Variants in TMEM54 observed in about 807,000 individuals in gnomAD.
TMEM54 encodes the protein transmembrane protein 54.
Under a neutral mutation model 21.3 loss-of-function variants are expected in TMEM54, and 21 were observed. That is an observed-to-expected ratio of 0.99 (90% CI 0.70 to 1.42). The LOEUF (loss-of-function observed/expected upper bound fraction) is 1.42, where lower values mean the gene tolerates loss of function less well. Ranked by LOEUF, TMEM54 falls within the 40% of genes most tolerant of loss-of-function variation. The pLI, the probability that TMEM54 is intolerant of heterozygous loss-of-function variation, is 0.00. For missense variants in TMEM54, 246 were observed against 294.0 expected, an observed-to-expected ratio of 0.84 and a Z score of 1.19; for synonymous variants, 109 against 125.0, an observed-to-expected ratio of 0.87 and a Z score of 0.86.
rs1405967823 is a variant in TMEM54, at chr1:32,897,925, C to T, written c.210+201G>A. 1 of 545,986 alleles carries T rather than the reference C, an allele frequency of 1.8e-6. No homozygotes were observed. Among genetic ancestry groups the T allele is most frequent in the African/African-American group, 1.9e-5 (1 of 53,286 alleles). 33.8% of individuals were successfully genotyped at this position (545,986 alleles called of 1,614,324 possible). A position where few individuals can be genotyped will look rare whatever the true frequency, so the allele number is the denominator to read the frequency against. On this transcript the variant is annotated intron_variant, in intron 2 of 5. Transcript: ENST00000373463. This position sits in a 1 kb window ranked among gnomAD's most constrained non-coding sequence, Gnocchi z 4.9. The stretch of plus-strand genomic sequence containing the variant: ...ATGATCTCATCAGTACCCATTAGGA[C>T]CCTCAGAGGTAAACACTGTTACCAT...
Position 32,894,641 on chromosome 1 carries a change from AGTGCAGTGGGCTGG to A in TMEM54, c.*150_*163del. The A allele has an allele frequency of 1.2e-6, 1 of 816,176 alleles. No individual in the cohort carries two copies. Among genetic ancestry groups the A allele is most frequent in the Non-Finnish European group, 1.9e-6 (1 of 525,656 alleles). 50.6% of individuals were successfully genotyped at this position (816,176 alleles called of 1,614,324 possible). A position where few individuals can be genotyped will look rare whatever the true frequency, so the allele number is the denominator to read the frequency against. On this transcript the variant is annotated 3_prime_UTR_variant, in exon 6 of 6. Coordinates refer to ENST00000373463, the MANE Select transcript of TMEM54 (RefSeq NM_033504.4). Reference sequence around the variant, plus strand: ...TAATTTCAGAATAAAGTCTCATTTCAGTGCAGTGGGCTGGGTGGTGGGGGAGAGGGTTGAAAGCC... The same window carrying A: ...TAATTTCAGAATAAAGTCTCATTTCAGTGGTGGGGGAGAGGGTTGAAAGCC...
Position 32,898,325 on chromosome 1 carries a change from G to T in TMEM54, c.17-6C>A, listed in dbSNP as rs1453370244. 6.3e-7 allele frequency: 1 copy of T among 1,595,466 alleles called. No homozygotes were observed. The highest frequency in any genetic ancestry group is 8.6e-7 in the Non-Finnish European group (1 of 1,164,664). On this transcript the variant is annotated splice_region_variant and splice_polypyrimidine_tract_variant and intron_variant, in intron 1 of 5. Coordinates refer to ENST00000373463, the MANE Select transcript of TMEM54 (RefSeq NM_033504.4). ...GTCGCCCACACTCAGGCCTCCTGTG[G>T]GGGACAGCTATGTCAGGGCTGTGCG...
Position 32,894,772 on chromosome 1 carries a change from A to C in TMEM54, c.*33T>G. 2 of 1,600,260 alleles carry C rather than the reference A, an allele frequency of 1.2e-6. No homozygotes were observed. Among genetic ancestry groups the C allele is most frequent in the Non-Finnish European group, 8.6e-7 (1 of 1,168,676 alleles). On this transcript the variant is annotated 3_prime_UTR_variant, in exon 6 of 6. Coordinates refer to ENST00000373463, the MANE Select transcript of TMEM54 (RefSeq NM_033504.4). ...AGAGCAGAGTTGCTTGCAGGGTCCT[A>C]GTGGCCATCGGGCCTGGGCAGGACA...
In TMEM54 at chr1:32,901,128, T is replaced by C; in HGVS notation, c.16+95A>G. 1.6e-6 allele frequency: 2 copies of C among 1,288,008 alleles called. No homozygotes were observed. Among genetic ancestry groups the C allele is most frequent in the South Asian group, 2.3e-5 (1 of 44,174 alleles). 79.8% of individuals were successfully genotyped at this position (1,288,008 alleles called of 1,614,324 possible). ...TAAGTTAGAGGCAGAGCAGGTGGCC[T>C]GGCCCCCTGGGGGCTCGGGTTCCGG... On this transcript the variant is annotated intron_variant, in intron 1 of 5. Transcript: ENST00000373463. The surrounding 1 kb of genome is among the most constrained non-coding windows in gnomAD (Gnocchi z 4.2).
chr1:32,897,368 G>A lies in TMEM54; in HGVS notation c.210+758C>T, dbSNP rs1408283888. Among the ~76,000 whole-genome samples, 4 of 152,182 alleles carry A rather than the reference G, an allele frequency of 2.6e-5. No individual in the cohort carries two copies. The highest frequency in any genetic ancestry group is 4.8e-5 in the African/African-American group (2 of 41,452). On this transcript the variant is annotated intron_variant, in intron 2 of 5. Coordinates refer to ENST00000373463, the MANE Select transcript of TMEM54 (RefSeq NM_033504.4). The surrounding 1 kb of genome is among the most constrained non-coding windows in gnomAD (Gnocchi z 4.9). ...CTGATGTGCGGGAGGATCTTCCCCC[G>A]AGGCTGTGGCCACTTGTGCTGACCG...
At position 32,896,944 on chromosome 1, in the gene TMEM54, G is replaced by C. The variant is rs1641613881; in HGVS notation, c.211-975C>G. On this transcript the variant is annotated intron_variant, in intron 2 of 5. Coordinates refer to ENST00000373463, the MANE Select transcript of TMEM54 (RefSeq NM_033504.4). The surrounding 1 kb of genome is among the most constrained non-coding windows in gnomAD (Gnocchi z 4.1). ...TTTGGCTTCTGTGTATCAGCAGGAGGTTGGGTGAATCCCTGAGTCTTGGTT... is the reference window on the plus strand; with the variant it reads ...TTTGGCTTCTGTGTATCAGCAGGAGCTTGGGTGAATCCCTGAGTCTTGGTT... Among the ~76,000 whole-genome samples, 1 of 152,234 alleles carries C rather than the reference G, an allele frequency of 6.6e-6. No individual in the cohort carries two copies. The highest frequency in any genetic ancestry group is 2.1e-4 in the South Asian group (1 of 4,834).
Position 32,895,916 on chromosome 1 carries a change from G to A in TMEM54, c.264C>T (p.Thr88=). The A allele has an allele frequency of 1.2e-6, 2 of 1,613,048 alleles. No individual in the cohort carries two copies. The highest frequency in any genetic ancestry group is 1.7e-6 in the Non-Finnish European group (2 of 1,179,530). The change falls in exon 3 of 6, where the codon ACC becomes ACT. Residue 88 remains threonine (T), a synonymous_variant. Transcript: ENST00000373463. The surrounding 1 kb of genome is among the most constrained non-coding windows in gnomAD (Gnocchi z 5.8). ...AIVLSRYLPS[T]PLRWTVFSSS... is the part of the protein sequence containing the mutation. ...CCCAGGAGGCACCACGTACCAGGGG[G>A]GTGCTAGGGAGGTAGCGTGACAACA...
chr1:32,894,653 TG>T lies in TMEM54; in HGVS notation c.*151del. 1 of 923,706 alleles carries T rather than the reference TG, an allele frequency of 1.1e-6. No homozygotes were observed. The highest frequency in any genetic ancestry group is 1.6e-6 in the Non-Finnish European group (1 of 611,162). The allele number at this position is 923,706 out of a possible 1,614,324, so 57.2% of individuals were successfully genotyped here. On this transcript the variant is annotated 3_prime_UTR_variant, in exon 6 of 6. Coordinates refer to ENST00000373463, the MANE Select transcript of TMEM54 (RefSeq NM_033504.4). ...AAAGTCTCATTTCAGTGCAGTGGGC[TG>T]GGTGGTGGGGGAGAGGGTTGAAAGC...
intron 1 of TMEM54, among the ~76,000 whole-genome samples, chr1:32,900,947 G>T (rs1641712538): frequency 6.6e-6 from 1 of 152,224 alleles, no homozygotes; most frequent in African/African-American, 2.4e-5. Context: ...GGGTCCCCGA[G>T]GGCAGTCGTG....
chr1:32,896,034 G>C lies in TMEM54; in HGVS notation c.211-65C>G. 1 of 1,549,262 alleles carries C rather than the reference G, an allele frequency of 6.5e-7. No individual in the cohort carries two copies. The highest frequency in any genetic ancestry group is 1.8e-5 in the Admixed American group (1 of 55,190). On this transcript the variant is annotated intron_variant, in intron 2 of 5. Transcript: ENST00000373463. The surrounding 1 kb of genome is among the most constrained non-coding windows in gnomAD (Gnocchi z 4.1). The stretch of plus-strand genomic sequence containing the variant: ...GAGGAACAGGGGCAGGGGGATCAGG[G>C]CCACTCTGGGATAATGATCTCACCG...
rs1411342858 is a variant in TMEM54 at position 32,895,657 on chromosome 1, G to T, written c.357C>A (p.Thr119=). The part of the protein sequence containing the change: ...ALGLLASIAM[T]FATQGKALLA... ...GCAGTGCCTTGCCCTGGGTGGCAAA[G>T]GTCATGGCGATGGAGGCCAAGAGGC... The change falls in exon 4 of 6, where the codon ACC becomes ACA. Residue 119 remains threonine (T), a synonymous_variant. Coordinates refer to ENST00000373463, the MANE Select transcript of TMEM54 (RefSeq NM_033504.4). The surrounding 1 kb of genome is among the most constrained non-coding windows in gnomAD (Gnocchi z 5.8). 3.2e-6 allele frequency: 5 copies of T among 1,563,728 alleles called. No homozygotes were observed. Among genetic ancestry groups the T allele is most frequent in the Non-Finnish European group, 4.3e-6 (5 of 1,153,636 alleles).
chr1:32,899,099 C>T (rs1025335732), intron 1 of TMEM54, among the ~76,000 whole-genome samples: 1 of 152,150 alleles, frequency 6.6e-6, no homozygotes, highest in Non-Finnish European at 1.5e-5. Flanking sequence ...CTCTCAGTGG[C>T]CAAGTGGCTG....
chr1:32,899,235 CT>C (rs1641668058), intron 1 of TMEM54, among the ~76,000 whole-genome samples: 1 of 152,112 alleles, frequency 6.6e-6, no homozygotes, highest in African/African-American at 2.4e-5. Context: ...AGAGCCAGCT[CT>C]GAGACTTGAA....
chr1:32,896,694 C>A lies in TMEM54; in HGVS notation c.211-725G>T, dbSNP rs1043504457. 2.0e-5 allele frequency among the ~76,000 whole-genome samples: 3 copies of A among 152,260 alleles called. No individual in the cohort carries two copies. The highest frequency in any genetic ancestry group is 4.4e-5 in the Non-Finnish European group (3 of 68,038). On this transcript the variant is annotated intron_variant, in intron 2 of 5. Coordinates refer to ENST00000373463, the MANE Select transcript of TMEM54 (RefSeq NM_033504.4). The surrounding 1 kb of genome is among the most constrained non-coding windows in gnomAD (Gnocchi z 4.1). ...TGCCCTCTGGATCTTTGGGGTCCACCCAGCCAGCCTTCCTCCTGATGTTCC... is the reference window on the plus strand; with the variant it reads ...TGCCCTCTGGATCTTTGGGGTCCACACAGCCAGCCTTCCTCCTGATGTTCC...
Position 32,895,572 on chromosome 1 carries a change from C to A in TMEM54, c.442G>T (p.Asp148Tyr). The A allele has an allele frequency of 6.3e-7, 1 of 1,591,438 alleles. No individual in the cohort carries two copies. The highest frequency in any genetic ancestry group is 8.6e-7 in the Non-Finnish European group (1 of 1,169,172). The change falls in exon 4 of 6, where the codon GAC (aspartate) becomes TAC (tyrosine). Residue 148 changes from aspartate to tyrosine, a missense_variant. Transcript: ENST00000373463. The surrounding 1 kb of genome is among the most constrained non-coding windows in gnomAD (Gnocchi z 5.8). ...GTACTCACATAAATGCGTGTGGGGT[C>A]GAAGGGACAGTCAGGTGCGAGGGCC... ...LLALAPDCPF[D>Y]PTRIYSSSLC...
rs1157177575 is a variant in TMEM54 at position 32,895,529 on chromosome 1, C to G, written c.459+26G>C. 6.3e-7 allele frequency: 1 copy of G among 1,589,776 alleles called. No homozygotes were observed. Among genetic ancestry groups the G allele is most frequent in the East Asian group, 2.3e-5 (1 of 44,078 alleles). The stretch of plus-strand genomic sequence containing the variant: ...TTCCCACCCGTGCGAGGGCCTGGTG[C>G]CCCTACTCCAGGCCTAGGTACTCAC... On this transcript the variant is annotated intron_variant, in intron 4 of 5. Coordinates refer to ENST00000373463, the MANE Select transcript of TMEM54 (RefSeq NM_033504.4). This position sits in a 1 kb window ranked among gnomAD's most constrained non-coding sequence, Gnocchi z 5.8.
intron 1 of TMEM54, 59 bp from the exon 2 acceptor site, chr1:32,898,378 G>A: frequency 6.7e-7 from 1 of 1,495,270 alleles, no homozygotes; most frequent in Non-Finnish European, 9.1e-7. Flanking sequence ...GGCAGAAGGG[G>A]AAGCTGAGGC....
rs1456701427 is a variant in TMEM54, at chr1:32,895,208, G to T, written c.594+97C>A. On this transcript the variant is annotated intron_variant, in intron 5 of 5. Coordinates refer to ENST00000373463, the MANE Select transcript of TMEM54 (RefSeq NM_033504.4). This position sits in a 1 kb window ranked among gnomAD's most constrained non-coding sequence, Gnocchi z 5.8. Reference sequence around the variant, plus strand: ...GAAAACTTCTGCCCCATTTCTCAAGGTGGGGGCCCATACATAGGGGTGGGG... The same window carrying T: ...GAAAACTTCTGCCCCATTTCTCAAGTTGGGGGCCCATACATAGGGGTGGGG... 5.5e-6 allele frequency: 8 copies of T among 1,461,350 alleles called. No individual in the cohort carries two copies. Among genetic ancestry groups the T allele is most frequent in the Non-Finnish European group, 6.4e-6 (7 of 1,092,104 alleles). 90.5% of individuals were successfully genotyped at this position (1,461,350 alleles called of 1,614,324 possible).
At position 32,895,962 on chromosome 1, in the gene TMEM54, G is replaced by A. The variant is rs373558899; in HGVS notation, c.218C>T (p.Thr73Ile). 1.2e-6 allele frequency: 2 copies of A among 1,613,260 alleles called. No homozygotes were observed. The highest frequency in any genetic ancestry group is 1.7e-6 in the Non-Finnish European group (2 of 1,179,656). The change falls in exon 3 of 6, where the codon ACT becomes ATT. Residue 73 changes from threonine (T) to isoleucine (I), a missense_variant. Coordinates refer to ENST00000373463, the MANE Select transcript of TMEM54 (RefSeq NM_033504.4). The surrounding 1 kb of genome is among the most constrained non-coding windows in gnomAD (Gnocchi z 5.8). ...CAACACGATGGCTGCGATGCCTGAA[G>A]TGATGACCTGTAGGGAAGGCTCAAG... ...LSVTSAIVVI[T>I]SGIAAIVLSR... is the part of the protein sequence containing the mutation.
Sources: allele counts gnomAD v4.1 joint callset (sites outside exome capture counted in the v4.1 genomes callset), GRCh38; gene constraint gnomAD v4.1.1; non-coding constraint Gnocchi (gnomAD v3.1); transcripts MANE v1.5; gene names NCBI Gene and HGNC (gene_info 2026-07-23, HGNC 2026-07-21).